The following PARVG variants were observed in gnomAD, a reference collection of about 807,000 sequenced individuals.
PARVG encodes the protein gamma-parvin.
A neutral mutation model predicts 44.4 loss-of-function variants in PARVG; 36 were observed. The ratio of observed to expected loss-of-function variants is 0.81; its 90% CI spans 0.62 to 1.07. The LOEUF (loss-of-function observed/expected upper bound fraction) is 1.07, where lower values mean the gene tolerates loss of function less well. PARVG is among the 50% of genes least tolerant of loss of function. The pLI, the probability that PARVG is intolerant of heterozygous loss-of-function variation, is 0.00. For missense variants in PARVG, 407 were observed against 407.4 expected, an observed-to-expected ratio of 1.00 and a Z score of 0.01; for synonymous variants, 170 against 174.1, an observed-to-expected ratio of 0.98 and a Z score of 0.19.
intron 6 of PARVG, among the ~76,000 whole-genome samples, chr22:44,189,682 C>T (rs1307833085): frequency 3.9e-5 from 6 of 152,214 alleles, no homozygotes; most frequent in African/African-American, 9.6e-5. Flanking sequence ...TTTGGGAGGC[C>T]GAGGCGGGTG....
intron 1 of PARVG, among the ~76,000 whole-genome samples, chr22:44,175,116 C>G (rs562443246): frequency 1.1e-3 from 172 of 152,320 alleles, no homozygotes; most frequent in Middle Eastern, 0.01. Context: ...GAGGGAAACT[C>G]GGTCTCAAAA....
intron 8 of PARVG, 117 bp downstream of exon 8, chr22:44,192,221 G>A: frequency 8.1e-7 from 1 of 1,227,360 alleles, no homozygotes; most frequent in South Asian, 1.3e-5. Context: ...CACATTCTGT[G>A]GCTTTCTCTC....
chr22:44,191,815 T>G (rs770495925), intron 7 of PARVG, among the ~76,000 whole-genome samples: 3 of 152,230 alleles, frequency 2.0e-5, no homozygotes, highest in Non-Finnish European at 2.9e-5. Flanking sequence ...TCACCATTCA[T>G]TTGTTCATAG....
intron 2 of PARVG, chr22:44,183,104 T>C (rs1404337745): frequency 3.8e-6 from 2 of 524,468 alleles, no homozygotes; most frequent in Admixed American, 4.0e-5. Context: ...CGCCCTCAGC[T>C]TCTGTGCCTT....
At chr22:44,183,264 A>G (rs911032445) in intron 2 of PARVG, 54 bp from the exon 3 acceptor site, 10 of 1,498,290 alleles carry the variant, frequency 6.7e-6, no homozygotes, top group South Asian at 3.7e-5. Context: ...TGAGGGGCTC[A>G]GTGAGTTTGG....
At chr22:44,174,486 C>G (rs1281999934) in intron 1 of PARVG, among the ~76,000 whole-genome samples, 3 of 151,810 alleles carry the variant, frequency 2.0e-5, no homozygotes, top group Non-Finnish European at 4.4e-5. Flanking sequence ...GTGGGCTGAT[C>G]ACTTGAGGCT....
rs889218713 is a variant in PARVG, at chr22:44,207,687, C to G, written c.*1261C>G. ...TGGGGGCGCCTAGGCAGATGTCCTTCGGGGGAGCAAGATGGGAGCCAGGGA... is the reference window on the plus strand; with the variant it reads ...TGGGGGCGCCTAGGCAGATGTCCTTGGGGGGAGCAAGATGGGAGCCAGGGA... On this transcript the variant is annotated 3_prime_UTR_variant, in exon 14 of 14. Transcript: ENST00000444313. 6.6e-6 allele frequency: 1 copy of G among 152,192 alleles called. No individual in the cohort carries two copies. Among genetic ancestry groups the G allele is most frequent in the Non-Finnish European group, 1.5e-5 (1 of 68,230 alleles). 9.4% of individuals were successfully genotyped at this position (152,192 alleles called of 1,614,324 possible).
In PARVG at chr22:44,196,183, G is replaced by A. The variant is rs2054614547; in HGVS notation, c.612G>A (p.Leu204=). ...ACGTCTTTGATGAATTATTTAAGCT[G>A]GCTCCGGAGAAAGTGAACGCAGTGA... The part of the protein sequence containing the change: ...PKDVFDELFK[L]APEKVNAVKE... Residue 204 remains leucine, a synonymous_variant, in exon 10 of 14, where the codon CTG becomes CTA. Transcript: ENST00000444313. 2 of 1,614,160 alleles carry A rather than the reference G, an allele frequency of 1.2e-6. No individual in the cohort carries two copies. Among genetic ancestry groups the A allele is most frequent in the Non-Finnish European group, 1.7e-6 (2 of 1,180,020 alleles).
intron 5 of PARVG, 79 bp downstream of exon 5, chr22:44,187,957 T>G (rs1173672213): frequency 5.7e-6 from 8 of 1,415,100 alleles, no homozygotes; most frequent in Non-Finnish European, 7.9e-6. Flanking sequence ...ACAGGTAGGC[T>G]CTCTCCTTCA....
intron 12 of PARVG, among the ~76,000 whole-genome samples, chr22:44,203,840 C>G (rs752576953): frequency 1.3e-5 from 2 of 152,226 alleles, no homozygotes; most frequent in Non-Finnish European, 2.9e-5. Flanking sequence ...CTGCAGCATG[C>G]TGCAACATTG....
At chr22:44,199,586 G>C (rs2054677620) in intron 12 of PARVG, among the ~76,000 whole-genome samples, 2 of 152,236 alleles carry the variant, frequency 1.3e-5, no homozygotes, top group African/African-American at 4.8e-5. Context: ...CTAGTGACGT[G>C]TGGTCTTGCA....
At chr22:44,180,525 C>T (rs761717163), upstream of PARVG, among the ~76,000 whole-genome samples, 4 of 152,150 alleles carry the variant, frequency 2.6e-5, no homozygotes, top group African/African-American at 4.8e-5. Flanking sequence ...AGGTCCTGCA[C>T]GGTGGCTTCT....
chr22:44,173,814 G>A lies in PARVG; in HGVS notation c.-189+623G>A, dbSNP rs538749737. On this transcript the variant is annotated intron_variant, in intron 1 of 13. Coordinates refer to the PARVG transcript ENST00000422871. ...TCTGGGCAGGTAGCTGGTGGGGCCC[G>A]GGTTACAGCTTAACATCCCACAGTG... Among the ~76,000 whole-genome samples, 34 of 152,260 alleles carry A rather than the reference G, an allele frequency of 2.2e-4. No individual in the cohort carries two copies. The South Asian group carries it at 5.2e-3, about 23-fold the overall frequency.
At chr22:44,192,299 A>G (rs1013130362) in intron 8 of PARVG, among the ~76,000 whole-genome samples, 195 bp downstream of exon 8, 1 of 152,134 alleles carries the variant, frequency 6.6e-6, no homozygotes, top group Non-Finnish European at 1.5e-5. Context: ...CTAGCCTCCA[A>G]CCAGGTCCCT....
At chr22:44,188,577 G>A (rs776403425) in intron 5 of PARVG, 41 of 162,168 alleles carry the variant, frequency 2.5e-4, no homozygotes, top group Non-Finnish European at 4.5e-4. Flanking sequence ...TAGCACTTCC[G>A]GGCATGTCCC....
intron 4 of PARVG, chr22:44,186,768 T>C (rs1165653141): frequency 2.4e-6 from 1 of 418,338 alleles, no homozygotes; most frequent in South Asian, 1.7e-5. Context: ...GGCCAACACA[T>C]GGTTAGTGAT....
Position 44,205,970 on chromosome 22 carries a change from G to A in PARVG, c.886+141G>A, listed in dbSNP as rs553001791. 125 of 1,040,356 alleles carry A rather than the reference G, an allele frequency of 1.2e-4. 3 individuals carry two copies. The South Asian group carries it at 1.5e-3, about 13-fold the overall frequency. The allele number at this position is 1,040,356 out of a possible 1,614,324, so 64.4% of individuals were successfully genotyped here. On this transcript the variant is annotated intron_variant, in intron 13 of 13. Coordinates refer to ENST00000444313, the MANE Select transcript of PARVG (RefSeq NM_022141.7). ...TGCCTGGCAGGGGTGGAGAATGGGC[G>A]CTTGCCAAGGTTTCTTGGGAGGGGG...
chr22:44,204,048 T>C (rs1247167882), intron 12 of PARVG, among the ~76,000 whole-genome samples: 8 of 152,242 alleles, frequency 5.3e-5, no homozygotes, highest in Admixed American at 5.2e-4. Context: ...TTTCACCATG[T>C]TGGCCAGGCT....
intron 3 of PARVG, chr22:44,183,807 A>G (rs1270038143): frequency 5.0e-6 from 2 of 398,076 alleles, no homozygotes; most frequent in Admixed American, 8.8e-5. Context: ...GGAAACTCTT[A>G]GCAAGTGGTG....
Sources: allele counts gnomAD v4.1 joint callset (sites outside exome capture counted in the v4.1 genomes callset), GRCh38; gene constraint gnomAD v4.1.1; transcripts MANE v1.5; gene names NCBI Gene and HGNC (gene_info 2026-07-23, HGNC 2026-07-21).